LRP1B: variants seen among roughly 807,000 people sequenced by gnomAD.
LRP1B encodes the protein low-density lipoprotein receptor-related protein 1B.
LRP1B carries 217 observed loss-of-function variants against 556.6 expected under a neutral mutation model. The observed-to-expected ratio is 0.39, with a 90% CI of 0.35 to 0.44. The LOEUF (loss-of-function observed/expected upper bound fraction) is 0.44. LRP1B is among the 20% of genes least tolerant of loss of function. The pLI is 1.00. For missense variants in LRP1B, 5,053 were observed against 5,620.8 expected, an observed-to-expected ratio of 0.90 and a Z score of 3.23; for synonymous variants, 2,047 against 1,865.8, an observed-to-expected ratio of 1.10 and a Z score of -2.50.
At chr2:142,130,258 C>T (rs1034669214) in intron 1 of LRP1B, among the ~76,000 whole-genome samples, 1 of 152,202 alleles carries the variant, frequency 6.6e-6, no homozygotes, top group Admixed American at 6.5e-5. Flanking sequence ...ACGCTTAACG[C>T]GGAGAACCTG....
chr2:140,307,177 G>A (rs2105019999), intron 83 of LRP1B, among the ~76,000 whole-genome samples: 1 of 151,904 alleles, frequency 6.6e-6, no homozygotes, highest in Non-Finnish European at 1.5e-5. Context: ...GAGAGAACTT[G>A]GAATAAAGTC....
intron 2 of LRP1B, among the ~76,000 whole-genome samples, chr2:141,580,154 A>G (rs1686911922): frequency 6.6e-6 from 1 of 152,204 alleles, no homozygotes; most frequent in African/African-American, 2.4e-5. Context: ...GTGGACATTA[A>G]AAAATTATCA....
At chr2:141,677,899 A>C (rs1690949225) in intron 2 of LRP1B, among the ~76,000 whole-genome samples, 1 of 152,210 alleles carries the variant, frequency 6.6e-6, no homozygotes, top group Admixed American at 6.5e-5. Flanking sequence ...TGACAGCTGT[A>C]GAGACAGAGA....
At chr2:141,555,189 A>G (rs1685917143) in intron 2 of LRP1B, among the ~76,000 whole-genome samples, 1 of 151,902 alleles carries the variant, frequency 6.6e-6, no homozygotes, top group Admixed American at 6.6e-5. Context: ...ACAAATAAAC[A>G]AACACCACTA....
chr2:141,985,478 T>C (rs1702160393), intron 1 of LRP1B, among the ~76,000 whole-genome samples: 1 of 151,790 alleles, frequency 6.6e-6, no homozygotes. Flanking sequence ...AATGAAAATG[T>C]CAAATTCCTT....
In LRP1B at chr2:141,276,719, A is replaced by C. The variant is rs543044752; in HGVS notation, c.344-22078T>G. On this transcript the variant is annotated intron_variant, in intron 3 of 90. Coordinates refer to ENST00000389484, the MANE Select transcript of LRP1B (RefSeq NM_018557.3). ...TCGCCCAGGCTGGAGTGCAGTGGCAAGATCTTGGCTCACTGCAAGCTCCGC... is the reference window on the plus strand; with the variant it reads ...TCGCCCAGGCTGGAGTGCAGTGGCACGATCTTGGCTCACTGCAAGCTCCGC... Among the ~76,000 whole-genome samples the C allele has an allele frequency of 6.7e-3, 992 of 147,770 alleles. 5 individuals carry two copies. The highest frequency in any genetic ancestry group is 0.014 in the Middle Eastern group (4 of 280).
At chr2:140,961,674 CA>C (rs1382766754) in intron 18 of LRP1B, among the ~76,000 whole-genome samples, 1 of 151,804 alleles carries the variant, frequency 6.6e-6, no homozygotes, top group Non-Finnish European at 1.5e-5. Flanking sequence ...TTAATTATAC[CA>C]TGAGGTAAGC....
chr2:141,151,981 C>A lies in LRP1B; in HGVS notation c.1013+36440G>T, dbSNP rs146061479. 3.2e-3 allele frequency among the ~76,000 whole-genome samples: 490 copies of A among 152,016 alleles called. 2 individuals are homozygous for A. The highest frequency in any genetic ancestry group is 0.011 in the African/African-American group (465 of 41,510). ...TTTAATATTTAATAATATTTAATAT[C>A]TTGCTTTTTCAGTTCATAATTATGC... is the stretch of plus-strand genomic sequence containing the variant. On this transcript the variant is annotated intron_variant, in intron 7 of 90. Coordinates refer to ENST00000389484, the MANE Select transcript of LRP1B (RefSeq NM_018557.3).
At position 141,977,580 on chromosome 2, in the gene LRP1B, C is replaced by T. The variant is rs147789079; in HGVS notation, c.82+153068G>A. On this transcript the variant is annotated intron_variant, in intron 1 of 90. Coordinates refer to ENST00000389484, the MANE Select transcript of LRP1B (RefSeq NM_018557.3). ...TCATCTCAAAAAAAAGTGATTCCTACCTTTCAAAAATTACTTTTAAAAACA... is the reference window on the plus strand; with the variant it reads ...TCATCTCAAAAAAAAGTGATTCCTATCTTTCAAAAATTACTTTTAAAAACA... Among the ~76,000 whole-genome samples, 243 of 152,132 alleles carry T rather than the reference C, an allele frequency of 1.6e-3. 3 individuals are homozygous for T. Among genetic ancestry groups the T allele is most frequent in the African/African-American group, 5.7e-3 (237 of 41,520 alleles).
At chr2:141,436,364 A>T (rs542122993) in intron 3 of LRP1B, among the ~76,000 whole-genome samples, 57 of 152,314 alleles carry the variant, frequency 3.7e-4, no homozygotes, top group South Asian at 8.3e-4. Flanking sequence ...ATCTAAAAGC[A>T]TTGAACTCAT....
intron 2 of LRP1B, among the ~76,000 whole-genome samples, chr2:141,783,574 AATTT>A (rs1695332630): frequency 6.6e-6 from 1 of 151,790 alleles, no homozygotes; most frequent in Non-Finnish European, 1.5e-5. Flanking sequence ...CTCATCTCAA[AATTT>A]ATTTATTTAG....
At chr2:141,803,269 G>A (rs940958846) in intron 2 of LRP1B, among the ~76,000 whole-genome samples, 1 of 149,554 alleles carries the variant, frequency 6.7e-6, no homozygotes, top group African/African-American at 2.5e-5. Context: ...TTAGTGCATT[G>A]TGAGAGCAGA....
intron 60 of LRP1B, 104 bp from the exon 61 acceptor site, chr2:140,457,755 G>A (rs1179289270): frequency 3.3e-5 from 29 of 891,942 alleles, no homozygotes; most frequent in Non-Finnish European, 4.5e-5. Context: ...ATAACTTCGT[G>A]TGAATAATTG....
chr2:141,241,485 A>C (rs1425451300), intron 5 of LRP1B, among the ~76,000 whole-genome samples: 3 of 152,062 alleles, frequency 2.0e-5, no homozygotes, highest in African/African-American at 7.2e-5. Flanking sequence ...AGTGCTTCTC[A>C]AACTACTGTT....
intron 43 of LRP1B, among the ~76,000 whole-genome samples, chr2:140,545,298 C>T (rs1368336018): frequency 6.6e-6 from 1 of 152,030 alleles, no homozygotes; most frequent in African/African-American, 2.4e-5. Flanking sequence ...AATTCTATTA[C>T]ATTTGTCAAT....
chr2:142,036,193 C>A (rs1424141035), intron 1 of LRP1B, among the ~76,000 whole-genome samples: 2 of 151,628 alleles, frequency 1.3e-5, no homozygotes, highest in Non-Finnish European at 3.0e-5. Context: ...ACATACAAGA[C>A]TTCATCATTT....
chr2:141,300,867 G>A (rs539259776), intron 3 of LRP1B, among the ~76,000 whole-genome samples: 1 of 152,106 alleles, frequency 6.6e-6, no homozygotes, highest in South Asian at 2.1e-4. Flanking sequence ...CTTTATAGCA[G>A]TGTTGTTTCT....
chr2:141,394,320 T>C (rs1243173177), intron 3 of LRP1B, among the ~76,000 whole-genome samples: 1 of 152,122 alleles, frequency 6.6e-6, no homozygotes, highest in Non-Finnish European at 1.5e-5. Context: ...CTTAAGAGAT[T>C]ATGAAAAATG....
intron 7 of LRP1B, among the ~76,000 whole-genome samples, chr2:141,077,857 T>C (rs1013974626): frequency 6.6e-6 from 1 of 152,162 alleles, no homozygotes; most frequent in Non-Finnish European, 1.5e-5. Flanking sequence ...TTTTGACTAA[T>C]ACAGTATCCA....
Sources: gnomAD v4.1 joint callset for allele counts (sites outside exome capture counted in the v4.1 genomes callset) on GRCh38, gnomAD v4.1.1 for gene constraint, MANE v1.5 for transcripts, NCBI Gene and HGNC (gene_info 2026-07-23, HGNC 2026-07-21) for gene names.